The following APOBEC3C variants were observed in gnomAD, a reference collection of about 807,000 sequenced individuals.
The protein encoded by APOBEC3C is apolipoprotein B mRNA editing enzyme catalytic subunit 3C.
Under a neutral mutation model 20.6 loss-of-function variants are expected in APOBEC3C, and 14 were observed. The ratio of observed to expected loss-of-function variants is 0.68; its 90% CI spans 0.45 to 1.06. The LOEUF (loss-of-function observed/expected upper bound fraction) is 1.06, where lower values mean the gene tolerates loss of function less well. Among genes scored for constraint, APOBEC3C ranks in the 50% least tolerant of loss-of-function variants. The pLI, the probability that APOBEC3C is intolerant of heterozygous loss-of-function variation, is 0.00. For missense variants in APOBEC3C, 244 were observed against 241.9 expected (o/e 1.01, Z -0.06); for synonymous variants, 98 against 88.8 (o/e 1.10, Z -0.58).
At position 39,018,588 on chromosome 22, in the gene APOBEC3C, C is replaced by A; in HGVS notation, c.*201C>A. The A allele has an allele frequency of 1.8e-6, 1 of 560,978 alleles. No homozygotes were observed. Among genetic ancestry groups the A allele is most frequent in the Non-Finnish European group, 3.0e-6 (1 of 332,516 alleles). The allele number at this position is 560,978 out of a possible 1,614,324, so 34.8% of individuals were successfully genotyped here. On this transcript the variant is annotated 3_prime_UTR_variant, in exon 4 of 4. Coordinates refer to ENST00000361441, the MANE Select transcript of APOBEC3C (RefSeq NM_014508.3). ...TCTTCCTGCAGAGGCTCCTTTCTGC[C>A]TCCATGGCTATCCATCCACCCCCAC...
At position 39,014,292 on chromosome 22, in the gene APOBEC3C, T is replaced by G; in HGVS notation, c.-71T>G. ...GGGCTGCTCAACTGCAAGGACGCTG[T>G]AAGCAGGAAGAGAAGCCACAGCGCT... On this transcript the variant is annotated 5_prime_UTR_variant, in exon 1 of 4. Transcript: ENST00000361441. The G allele has an allele frequency of 6.2e-7, 1 of 1,604,328 alleles. No individual in the cohort carries two copies. The highest frequency in any genetic ancestry group is 2.2e-5 in the East Asian group (1 of 44,824).
chr22:39,014,501 T>TC, intron 1 of APOBEC3C, 122 bp downstream of exon 1: 1 of 1,208,208 alleles, frequency 8.3e-7, no homozygotes. Context: ...CCCCCCTGGT[T>TC]CCCCCGCTGC....
intron 2 of APOBEC3C, 54 bp from the exon 3 acceptor site, chr22:39,017,712 A>G: frequency 6.3e-7 from 1 of 1,582,650 alleles, no homozygotes; most frequent in Admixed American, 1.7e-5. Context: ...CCACCCCTGC[A>G]CTCCTCCTGC....
chr22:39,015,706 G>C lies in APOBEC3C; in HGVS notation c.129G>C (p.Lys43Asn), dbSNP rs200752600. 18 of 1,614,116 alleles carry C rather than the reference G, an allele frequency of 1.1e-5. No individual in the cohort carries two copies. In the East Asian group the frequency reaches 4.0e-4, roughly 36 times the overall value. ...TGTGCTTCACCGTGGAAGGTATAAA[G>C]CGCCGCTCAGTTGTCTCCTGGAAGA... ...TWLCFTVEGI[K>N]RRSVVSWKTG... Residue 43 changes from lysine to asparagine, a missense_variant, in exon 2 of 4, where the codon AAG becomes AAC. By Grantham distance (94) the Lys-to-Asn change is moderately conservative (BLOSUM62 0). Transcript: ENST00000361441.
At chr22:39,017,233 G>C (rs956763409) in intron 2 of APOBEC3C, among the ~76,000 whole-genome samples, 3 of 151,372 alleles carry the variant, frequency 2.0e-5, no homozygotes, top group Non-Finnish European at 4.4e-5. Flanking sequence ...CTCCATCTTT[G>C]AAAAAAATAA....
rs1295330820 is a variant in APOBEC3C, at chr22:39,019,002, G to A, written c.*615G>A. On this transcript the variant is annotated 3_prime_UTR_variant, in exon 4 of 4. Transcript: ENST00000361441. ...TAGAGACCCTGCCTGAAAATAAATCGATAAATAAACTCAACCTAAACAGGT... is the reference window on the plus strand; with the variant it reads ...TAGAGACCCTGCCTGAAAATAAATCAATAAATAAACTCAACCTAAACAGGT... 3 of 151,990 alleles carry A rather than the reference G, an allele frequency of 2.0e-5. No homozygotes were observed. Among genetic ancestry groups the A allele is most frequent in the Non-Finnish European group, 2.9e-5 (2 of 68,030 alleles). The allele number at this position is 151,990 out of a possible 1,614,324, so 9.4% of individuals were successfully genotyped here.
chr22:39,017,740 C>G, intron 2 of APOBEC3C, 26 bp from the exon 3 acceptor site: 7 of 1,604,952 alleles, frequency 4.4e-6, no homozygotes, highest in Non-Finnish European at 6.0e-6. Flanking sequence ...CTGAGCTCCC[C>G]TGTCCTCCTC....
intron 2 of APOBEC3C, among the ~76,000 whole-genome samples, chr22:39,017,018 G>A (rs184480082): frequency 7.3e-4 from 111 of 152,342 alleles, no homozygotes; most frequent in Non-Finnish European, 1.0e-3. Context: ...CGGATCATGA[G>A]GTTGGGAGTT....
rs986829176 is a variant in APOBEC3C, at chr22:39,019,891, C to T, written c.*1504C>T. 6.8e-6 allele frequency: 1 copy of T among 147,578 alleles called. No homozygotes were observed. The highest frequency in any genetic ancestry group is 2.5e-5 in the African/African-American group (1 of 39,656). The allele number at this position is 147,578 out of a possible 1,614,324, so 9.1% of individuals were successfully genotyped here. A position where few individuals can be genotyped will look rare whatever the true frequency, so the allele number is the denominator to read the frequency against. On this transcript the variant is annotated 3_prime_UTR_variant, in exon 4 of 4. Coordinates refer to ENST00000361441, the MANE Select transcript of APOBEC3C (RefSeq NM_014508.3). The stretch of plus-strand genomic sequence containing the variant: ...CACAATCTGGACTCACTGCAACCTC[C>T]GCCTCCCGAGTTTAAGCGATTCTTC...
rs760801793 is a variant in APOBEC3C at position 39,015,559 on chromosome 22, G to A, written c.18-36G>A. 9 of 1,606,518 alleles carry A rather than the reference G, an allele frequency of 5.6e-6. No homozygotes were observed. The East Asian group carries it at 1.6e-4, about 28-fold the overall frequency. On this transcript the variant is annotated intron_variant, in intron 1 of 3. Coordinates refer to ENST00000361441, the MANE Select transcript of APOBEC3C (RefSeq NM_014508.3). ...TCAGCCCTGAGGACTCCGGTGCGGGGGTCTCTGCATTGGGGTTTCTCTCTT... is the reference window on the plus strand; with the variant it reads ...TCAGCCCTGAGGACTCCGGTGCGGGAGTCTCTGCATTGGGGTTTCTCTCTT...
At chr22:39,016,386 T>TTTC (rs1555896947) in intron 2 of APOBEC3C, among the ~76,000 whole-genome samples, 2 of 146,820 alleles carry the variant, frequency 1.4e-5, no homozygotes, top group African/African-American at 5.0e-5. Flanking sequence ...TTTTTCTTTT[T>TTTC]TTTTTTTTTT....
At position 39,018,682 on chromosome 22, in the gene APOBEC3C, T is replaced by C; in HGVS notation, c.*295T>C. On this transcript the variant is annotated 3_prime_UTR_variant, in exon 4 of 4. Transcript: ENST00000361441. ...CCATCTCCCCAGCATAACCAAATCT[T>C]ACTAAACTCATCCTAGGCTGGGCAT... 1 of 257,462 alleles carries C rather than the reference T, an allele frequency of 3.9e-6. No homozygotes were observed. Among genetic ancestry groups the C allele is most frequent in the Non-Finnish European group, 7.5e-6 (1 of 133,808 alleles). 15.9% of individuals were successfully genotyped at this position (257,462 alleles called of 1,614,324 possible). A position where few individuals can be genotyped will look rare whatever the true frequency, so the allele number is the denominator to read the frequency against.
chr22:39,017,627 G>C (rs1184523283), intron 2 of APOBEC3C, 139 bp from the exon 3 acceptor site: 1 of 1,153,188 alleles, frequency 8.7e-7, no homozygotes, highest in Non-Finnish European at 1.2e-6. Context: ...GTGCACCAGA[G>C]AGAGACCCTG....
intron 2 of APOBEC3C, 123 bp downstream of exon 2, chr22:39,015,874 ATTTTT>A (rs57093395): frequency 7.7e-4 from 417 of 543,504 alleles, no homozygotes; most frequent in Middle Eastern, 1.1e-3. Context: ...CCACATTTCT[ATTTTT>A]TTTTTTTTTT....
chr22:39,014,359 G>A lies in APOBEC3C; in HGVS notation c.-4G>A. The A allele has an allele frequency of 6.2e-7, 1 of 1,614,186 alleles. No individual in the cohort carries two copies. Among genetic ancestry groups the A allele is most frequent in the Non-Finnish European group, 8.5e-7 (1 of 1,180,010 alleles). ...CAGGGACAAGCATATCTAAGAGGCT[G>A]AACATGAATCCACAGATCAGGTACC... On this transcript the variant is annotated 5_prime_UTR_variant, in exon 1 of 4. Coordinates refer to ENST00000361441, the MANE Select transcript of APOBEC3C (RefSeq NM_014508.3).
chr22:39,014,671 C>T (rs572627927), intron 1 of APOBEC3C, among the ~76,000 whole-genome samples: 41 of 152,216 alleles, frequency 2.7e-4, no homozygotes, highest in Admixed American at 9.8e-4. Flanking sequence ...AGGGTGCTTC[C>T]TCTGTGTGCT....
At chr22:39,016,366 A>AT (rs999659508) in intron 2 of APOBEC3C, among the ~76,000 whole-genome samples, 2 of 131,790 alleles carry the variant, frequency 1.5e-5, no homozygotes, top group Non-Finnish European at 3.1e-5. Context: ...TGCCCAGCTA[A>AT]TTTTTTCTTT....
chr22:39,015,775 C>A, intron 2 of APOBEC3C, 24 bp downstream of exon 2: 1 of 1,606,286 alleles, frequency 6.2e-7, no homozygotes. Context: ...CCTAGTTACA[C>A]CCTAAATAGG....
rs1347456645 is a variant in APOBEC3C at position 39,017,664 on chromosome 22, G to A, written c.175-102G>A. On this transcript the variant is annotated intron_variant, in intron 2 of 3. Coordinates refer to ENST00000361441, the MANE Select transcript of APOBEC3C (RefSeq NM_014508.3). ...CTCAAAAATGAGTAAATAAGGAAACGGCCCGGGGCTCCAGGCCCGCCCTCT... is the reference window on the plus strand; with the variant it reads ...CTCAAAAATGAGTAAATAAGGAAACAGCCCGGGGCTCCAGGCCCGCCCTCT... 12 of 1,418,926 alleles carry A rather than the reference G, an allele frequency of 8.5e-6. No homozygotes were observed. In the East Asian group the frequency reaches 2.8e-4, roughly 33 times the overall value. The allele number at this position is 1,418,926 out of a possible 1,614,324, so 87.9% of individuals were successfully genotyped here. A position where few individuals can be genotyped will look rare whatever the true frequency, so the allele number is the denominator to read the frequency against.
Sources: gnomAD v4.1 joint callset for allele counts (sites outside exome capture counted in the v4.1 genomes callset) on GRCh38, gnomAD v4.1.1 for gene constraint, MANE v1.5 for transcripts, NCBI Gene and HGNC (gene_info 2026-07-23, HGNC 2026-07-21) for gene names.